The following SMC5 variants were observed in gnomAD, a reference collection of about 807,000 sequenced individuals.
The protein encoded by SMC5 is structural maintenance of chromosomes protein 5.
A neutral mutation model predicts 148.3 loss-of-function variants in SMC5; 88 were observed. The ratio of observed to expected loss-of-function variants is 0.59; its 90% CI spans 0.50 to 0.71. The LOEUF is 0.71. Ranked by LOEUF, SMC5 falls within the 30% of genes least tolerant of loss-of-function variation. The probability of loss-of-function intolerance (pLI) is 0.00; values close to 1 mark genes in which losing one functional copy is unlikely to be tolerated. For missense variants in SMC5, 1,142 were observed against 1,298.9 expected (o/e 0.88, Z 1.86); for synonymous variants, 421 against 432.8 (o/e 0.97, Z 0.34).
At chr9:70,352,044 G>A in intron 24 of SMC5, 147 bp from the exon 25 acceptor site, 3 of 646,294 alleles carry the variant, frequency 4.6e-6, no homozygotes, top group Non-Finnish European at 7.3e-6. Flanking sequence ...TCGCACCTCT[G>A]TACTCCGGCC....
chr9:70,302,424 T>C (rs772001208), intron 10 of SMC5, among the ~76,000 whole-genome samples: 11 of 151,670 alleles, frequency 7.3e-5, no homozygotes, highest in Non-Finnish European at 1.3e-4. Context: ...GCCAAGGAGT[T>C]GGAGGTTGCA....
intron 1 of SMC5, among the ~76,000 whole-genome samples, chr9:70,262,803 T>C (rs1040793631): frequency 2.0e-5 from 3 of 152,200 alleles, no homozygotes; most frequent in African/African-American, 7.2e-5. Flanking sequence ...GGTGGGTCTT[T>C]ACCAATAGCT....
At chr9:70,313,852 G>T (rs2035724927) in intron 11 of SMC5, among the ~76,000 whole-genome samples, 1 of 152,034 alleles carries the variant, frequency 6.6e-6, no homozygotes, top group African/African-American at 2.4e-5. Context: ...TGTAGAGACT[G>T]GATTCAATTA....
chr9:70,266,801 A>AT (rs771020906), intron 2 of SMC5, among the ~76,000 whole-genome samples: 7 of 152,312 alleles, frequency 4.6e-5, no homozygotes, highest in Non-Finnish European at 1.0e-4. Context: ...CTGCCTCCTG[A>AT]TTTTTGTTTC....
At position 70,324,111 on chromosome 9, in the gene SMC5, A is replaced by T; in HGVS notation, c.2365A>T (p.Met789Leu). Residue 789 changes from methionine (M) to leucine (L), a missense_variant, in exon 17 of 25, where the codon ATG (methionine) becomes TTG (leucine). By Grantham distance (15) the Met-to-Leu change is conservative (BLOSUM62 2). Around this residue, in one of 5 missense-constraint regions of SMC5, gnomAD observed 743 missense variants for 835.7 expected, o/e 0.89. Transcript: ENST00000361138. ...GAAGAACAAATTAGAATCAGATTAT[A>T]TGGCCGCATCTTCACAACTCCGTCT... ...SEKNKLESDY[M>L]AASSQLRLTE... is the part of the protein sequence containing the mutation. The T allele has an allele frequency of 6.3e-7, 1 of 1,598,836 alleles. No individual in the cohort carries two copies. The highest frequency in any genetic ancestry group is 1.1e-5 in the South Asian group (1 of 87,212).
intron 1 of SMC5, among the ~76,000 whole-genome samples, chr9:70,260,032 C>T (rs1158203444): frequency 6.6e-6 from 1 of 151,882 alleles, no homozygotes; most frequent in African/African-American, 2.4e-5. Flanking sequence ...GCAACTTCCG[C>T]CTCTCGGTTT....
At chr9:70,322,368 G>A (rs886572514) in intron 15 of SMC5, among the ~76,000 whole-genome samples, 1 of 152,182 alleles carries the variant, frequency 6.6e-6, no homozygotes, top group Admixed American at 6.5e-5. Flanking sequence ...TTCACAGTGA[G>A]ATGACTTTTC....
intron 6 of SMC5, 74 bp from the exon 7 acceptor site, chr9:70,282,348 C>T: frequency 1.4e-6 from 2 of 1,409,804 alleles, no homozygotes; most frequent in Non-Finnish European, 1.9e-6. Flanking sequence ...TGGTTTCTGC[C>T]TGTATCTTGA....
chr9:70,347,296 A>G, intron 20 of SMC5, 135 bp downstream of exon 20: 1 of 622,614 alleles, frequency 1.6e-6, no homozygotes, highest in Admixed American at 3.4e-5. Flanking sequence ...ATAATAAGCT[A>G]GACAGCAGGA....
chr9:70,347,029 T>C (rs1372123460), intron 19 of SMC5, 37 bp from the exon 20 acceptor site: 2 of 1,478,790 alleles, frequency 1.4e-6, no homozygotes. Flanking sequence ...GGAACTGTTT[T>C]CATTGTATCT....
chr9:70,351,214 C>T (rs1408200486), intron 24 of SMC5, among the ~76,000 whole-genome samples: 2 of 151,962 alleles, frequency 1.3e-5, no homozygotes, highest in East Asian at 1.9e-4. Flanking sequence ...ATTAGCTGGA[C>T]GTGGCAGCAT....
At chr9:70,327,325 C>T (rs947479112) in intron 17 of SMC5, among the ~76,000 whole-genome samples, 5 of 152,086 alleles carry the variant, frequency 3.3e-5, no homozygotes, top group African/African-American at 4.8e-5. Context: ...ATCGTATACC[C>T]GCCATACATG....
At chr9:70,330,846 A>G (rs1327219689) in intron 17 of SMC5, among the ~76,000 whole-genome samples, 5 of 152,178 alleles carry the variant, frequency 3.3e-5, no homozygotes, top group Non-Finnish European at 7.3e-5. Context: ...CCCAGCCTAC[A>G]TGTAACTTTG....
chr9:70,324,023 T>C lies in SMC5; in HGVS notation c.2277T>C (p.Ile759=), dbSNP rs761457463. The change falls in exon 17 of 25, where the codon ATT becomes ATC. Residue 759 remains isoleucine (I), a splice_region_variant and synonymous_variant. Coordinates refer to ENST00000361138, the MANE Select transcript of SMC5 (RefSeq NM_015110.4). ...LVTELTNLIK[I]CTSLHIQKVD... is the part of the protein sequence containing the mutation. ...CTCTTAGGGGTTTTTGTTCCTAGAT[T>C]TGTACTTCTTTGCATATACAAAAAG... 3.9e-6 allele frequency: 6 copies of C among 1,554,700 alleles called. No homozygotes were observed. The African/African-American group carries it at 8.4e-5, about 22-fold the overall frequency.
At chr9:70,338,096 G>T (rs772799330) in intron 17 of SMC5, among the ~76,000 whole-genome samples, 2 of 151,986 alleles carry the variant, frequency 1.3e-5, no homozygotes, top group Non-Finnish European at 2.9e-5. Flanking sequence ...GCTTGCTGCA[G>T]CCTGGAAATC....
intron 1 of SMC5, 103 bp downstream of exon 1, chr9:70,259,366 C>A: frequency 8.1e-7 from 1 of 1,239,536 alleles, no homozygotes; most frequent in Admixed American, 2.8e-5. Context: ...GTGTACCTGG[C>A]TTGTGGGTCT....
chr9:70,341,299 A>G (rs1487770231), intron 17 of SMC5, among the ~76,000 whole-genome samples: 1 of 152,232 alleles, frequency 6.6e-6, no homozygotes, highest in Admixed American at 6.5e-5. Flanking sequence ...CCAGAGCTTC[A>G]AATTATCAAC....
rs773812284 is a variant in SMC5 at position 70,315,452 on chromosome 9, C to T, written c.1680C>T (p.Tyr560=). The T allele has an allele frequency of 1.1e-5, 17 of 1,572,130 alleles. No individual in the cohort carries two copies. The East Asian group carries it at 1.1e-4, about 11-fold the overall frequency. The change falls in exon 13 of 25, where the codon TAC becomes TAT. Residue 560 remains tyrosine (Y), a synonymous_variant. Coordinates refer to ENST00000361138, the MANE Select transcript of SMC5 (RefSeq NM_015110.4). ...PSRSLNELKQ[Y]GFFSYLRELF... ...TCAATACTTTTCCTTTCAGACAATA[C>T]GGATTTTTCTCTTATTTGAGAGAAT... is the stretch of plus-strand genomic sequence containing the variant.
chr9:70,289,524 A>G (rs1468019375), intron 8 of SMC5, among the ~76,000 whole-genome samples: 1 of 152,100 alleles, frequency 6.6e-6, no homozygotes, highest in Admixed American at 6.5e-5. Flanking sequence ...ATTTTTTTCA[A>G]TTTGATGGCA....
Sources: allele counts gnomAD v4.1 joint callset (sites outside exome capture counted in the v4.1 genomes callset), GRCh38; gene constraint gnomAD v4.1.1; regional missense constraint gnomAD v4.1.1; transcripts MANE v1.5; gene names NCBI Gene and HGNC (gene_info 2026-07-23, HGNC 2026-07-21).